SPTA1: variants seen among roughly 807,000 people sequenced by gnomAD.
SPTA1 encodes the protein spectrin alpha chain, erythrocytic 1.
Under a neutral mutation model 324.7 loss-of-function variants are expected in SPTA1, and 177 were observed. The ratio of observed to expected loss-of-function variants is 0.55; its 90% confidence interval spans 0.48 to 0.62. The LOEUF is 0.62. SPTA1 is among the 20% of genes least tolerant of loss of function. The pLI, the probability that SPTA1 is intolerant of heterozygous loss-of-function variation, is 0.00. For missense variants in SPTA1, 3,162 were observed against 2,883.6 expected, an observed-to-expected ratio of 1.10 and a Z score of -2.21; for synonymous variants, 1,195 against 1,041.3, an observed-to-expected ratio of 1.15 and a Z score of -2.84.
intron 35 of SPTA1, chr1:158,639,151 G>A (rs182770765): frequency 5.2e-6 from 1 of 190,914 alleles, no homozygotes; most frequent in East Asian, 1.3e-4. Flanking sequence ...GTTGCTATTA[G>A]GATGCAACCA....
intron 33 of SPTA1, among the ~76,000 whole-genome samples, chr1:158,641,262 G>A (rs1651548141): frequency 6.6e-6 from 1 of 152,114 alleles, no homozygotes; most frequent in African/African-American, 2.4e-5. Flanking sequence ...AGGACTTCAT[G>A]TCTAAAACAC....
At chr1:158,626,091 G>A (rs561319072) in intron 42 of SPTA1, 55 bp downstream of exon 42, 31 of 1,478,968 alleles carry the variant, frequency 2.1e-5, no homozygotes, top group Non-Finnish European at 2.9e-5. Flanking sequence ...AATCATGGAG[G>A]ATGAGCTTCT....
Position 158,652,805 on chromosome 1 carries a change from T to G in SPTA1, c.3189-152A>C, listed in dbSNP as rs1196766075. ...AGTAGAAGAGAGGAGGAAATAAACT[T>G]AGAAGGAAAACAGCCTTGGGGGCAA... On this transcript the variant is annotated intron_variant, in intron 22 of 51. Coordinates refer to ENST00000643759, the MANE Select transcript of SPTA1 (RefSeq NM_003126.4). The G allele has an allele frequency of 7.5e-6, 7 of 937,916 alleles. No homozygotes were observed. In the Admixed American group the frequency reaches 1.8e-4, roughly 25 times the overall value. The allele number at this position is 937,916 out of a possible 1,614,324, so 58.1% of individuals were successfully genotyped here. A position where few individuals can be genotyped will look rare whatever the true frequency, so the allele number is the denominator to read the frequency against.
intron 4 of SPTA1, 92 bp downstream of exon 4, chr1:158,681,435 C>T (rs900200292): frequency 6.3e-7 from 1 of 1,597,974 alleles, no homozygotes; most frequent in Non-Finnish European, 8.6e-7. Flanking sequence ...GACATCCTGA[C>T]TTCCTTGTGA....
intron 39 of SPTA1, among the ~76,000 whole-genome samples, chr1:158,630,242 TA>T (rs1357224663): frequency 6.6e-6 from 1 of 151,940 alleles, no homozygotes; most frequent in East Asian, 1.9e-4. Flanking sequence ...TTCCTGATTT[TA>T]AAATACAGTA....
intron 15 of SPTA1, among the ~76,000 whole-genome samples, chr1:158,666,939 T>G (rs546775622): frequency 6.6e-6 from 1 of 152,210 alleles, no homozygotes; most frequent in Non-Finnish European, 1.5e-5. Flanking sequence ...TTTCCCCCCT[T>G]AGTGCCTGTC....
chr1:158,681,707 T>G, intron 3 of SPTA1, 40 bp from the exon 4 acceptor site: 1 of 1,613,036 alleles, frequency 6.2e-7, no homozygotes, highest in South Asian at 1.1e-5. Context: ...CCACAGACAC[T>G]GGGAGCAGGG....
At chr1:158,617,263 C>G (rs1649613214) in intron 47 of SPTA1, among the ~76,000 whole-genome samples, 1 of 152,160 alleles carries the variant, frequency 6.6e-6, no homozygotes, top group African/African-American at 2.4e-5. Context: ...AAAGCCTCTC[C>G]CACTCTGGGC....
intron 26 of SPTA1, among the ~76,000 whole-genome samples, chr1:158,648,254 C>T (rs1420107040): frequency 6.6e-6 from 1 of 152,142 alleles, no homozygotes; most frequent in Non-Finnish European, 1.5e-5. Context: ...TTGTAACCCA[C>T]CAAAGAGGCA....
At chr1:158,655,275 A>T (rs1410380894) in intron 20 of SPTA1, among the ~76,000 whole-genome samples, 9 of 129,630 alleles carry the variant, frequency 6.9e-5, no homozygotes, top group Admixed American at 1.4e-4. Flanking sequence ...AATTTTAAAA[A>T]CTGAGAACAT....
At chr1:158,676,844 A>T (rs1383586185) in intron 7 of SPTA1, among the ~76,000 whole-genome samples, 1 of 152,186 alleles carries the variant, frequency 6.6e-6, no homozygotes, top group African/African-American at 2.4e-5. Flanking sequence ...TAGCCCTTTC[A>T]TCATACTCAA....
chr1:158,681,706 C>G (rs775735522), intron 3 of SPTA1, 39 bp from the exon 4 acceptor site: 8 of 1,613,106 alleles, frequency 5.0e-6, no homozygotes. Context: ...GCCACAGACA[C>G]TGGGAGCAGG....
Position 158,649,742 on chromosome 1 carries a change from A to T in SPTA1, c.3569+114T>A, listed in dbSNP as rs531759453. ...AAAAAACCTAATTTTCTATTGGCAC[A>T]TTGTCTCCATCTCACGAAAAAAGAT... On this transcript the variant is annotated intron_variant, in intron 25 of 51. Coordinates refer to ENST00000643759, the MANE Select transcript of SPTA1 (RefSeq NM_003126.4). 1.3e-5 allele frequency: 11 copies of T among 858,606 alleles called. No homozygotes were observed. The East Asian group carries it at 2.9e-4, about 23-fold the overall frequency. The allele number at this position is 858,606 out of a possible 1,614,324, so 53.2% of individuals were successfully genotyped here. A position where few individuals can be genotyped will look rare whatever the true frequency, so the allele number is the denominator to read the frequency against.
In SPTA1 at chr1:158,638,015, T is replaced by C. The variant is rs767347925; in HGVS notation, c.5189+18A>G. 28 of 1,611,820 alleles carry C rather than the reference T, an allele frequency of 1.7e-5. No individual in the cohort carries two copies. Among genetic ancestry groups the C allele is most frequent in the Admixed American group, 3.3e-5 (2 of 59,978 alleles). ...CTCGCTTGTATTATCCACACATTTT[T>C]GAGCTGGTGGCACATACTCTATCCA... On this transcript the variant is annotated intron_variant, in intron 36 of 51. Coordinates refer to ENST00000643759, the MANE Select transcript of SPTA1 (RefSeq NM_003126.4).
intron 15 of SPTA1, 151 bp downstream of exon 15, chr1:158,667,707 A>T: frequency 2.4e-6 from 2 of 820,972 alleles, no homozygotes; most frequent in Non-Finnish European, 3.8e-6. Context: ...TTGGATTTTT[A>T]AAATTTTACC....
At position 158,626,840 on chromosome 1, in the gene SPTA1, T is replaced by C. The variant is rs750443943; in HGVS notation, c.5832A>G (p.Ile1944Met). 6.2e-7 allele frequency: 1 copy of C among 1,613,626 alleles called. No individual in the cohort carries two copies. Among genetic ancestry groups the C allele is most frequent in the South Asian group, 1.1e-5 (1 of 91,080 alleles). Residue 1944 changes from isoleucine (I) to methionine (M), a missense_variant and splice_region_variant, in exon 41 of 52, where the codon ATA becomes ATG. Coordinates refer to ENST00000643759, the MANE Select transcript of SPTA1 (RefSeq NM_003126.4). ...NWKADVVEAW[I>M]ADKETSLKTN... ...GACCCTGAACCTGACACATCATACC[T>C]ATCCAAGCCTCTACCACATCAGCCT...
chr1:158,661,832 G>A (rs1015085626), intron 17 of SPTA1, among the ~76,000 whole-genome samples: 12 of 152,174 alleles, frequency 7.9e-5, no homozygotes, highest in Middle Eastern at 3.2e-3. Context: ...CATGAAAAAG[G>A]CACAGTGTAA....
Position 158,680,655 on chromosome 1 carries a change from G to C in SPTA1, c.606C>G (p.Asp202Glu), listed in dbSNP as rs905933994. Reference sequence around the variant, plus strand: ...CTTTAGCTACCAGCTCCACTTGGAAGTCTTCAAATTTCTTATGCAGAACTT... The same window carrying C: ...CTTTAGCTACCAGCTCCACTTGGAACTCTTCAAATTTCTTATGCAGAACTT... ...RTEVLHKKFE[D>E]FQVELVAKEG... The change falls in exon 5 of 52, where the codon GAC (aspartate) becomes GAG (glutamate). Residue 202 changes from aspartate (D) to glutamate (E), a missense_variant. Asp to Glu is a conservative substitution (Grantham distance 45). Transcript: ENST00000643759. 1 of 1,613,928 alleles carries C rather than the reference G, an allele frequency of 6.2e-7. No individual in the cohort carries two copies. The highest frequency in any genetic ancestry group is 2.2e-5 in the East Asian group (1 of 44,876).
rs555080954 is a variant in SPTA1, at chr1:158,680,686, C to A, written c.575G>T (p.Arg192Leu). 1 of 1,613,888 alleles carries A rather than the reference C, an allele frequency of 6.2e-7. No homozygotes were observed. The highest frequency in any genetic ancestry group is 2.2e-5 in the East Asian group (1 of 44,872). ...TSVELGEDWE[R>L]TEVLHKKFED... Reference sequence around the variant, plus strand: ...AAATTTCTTATGCAGAACTTCGGTGCGCTCCCAGTCTTCACCTAGCTCCAC... The same window carrying A: ...AAATTTCTTATGCAGAACTTCGGTGAGCTCCCAGTCTTCACCTAGCTCCAC... Residue 192 changes from arginine to leucine, a missense_variant, in exon 5 of 52, where the codon CGC (arginine) becomes CTC (leucine). By Grantham distance (102) the Arg-to-Leu change is moderately radical. Coordinates refer to ENST00000643759, the MANE Select transcript of SPTA1 (RefSeq NM_003126.4).
Sources: gnomAD v4.1 joint callset for allele counts (sites outside exome capture counted in the v4.1 genomes callset) on GRCh38, gnomAD v4.1.1 for gene constraint, MANE v1.5 for transcripts, NCBI Gene and HGNC (gene_info 2026-07-23, HGNC 2026-07-21) for gene names.